Variants in MCM6 observed in about 807,000 individuals in gnomAD.
The protein encoded by MCM6 is DNA replication licensing factor MCM6.
A neutral mutation model predicts 94.3 loss-of-function variants in MCM6; 46 were observed. The observed-to-expected ratio is 0.49, with a 90% confidence interval of 0.39 to 0.62. The LOEUF (loss-of-function observed/expected upper bound fraction) is 0.62, where lower values mean the gene tolerates loss of function less well. Among genes scored for constraint, MCM6 ranks in the 20% least tolerant of loss-of-function variants. The pLI, the probability that MCM6 is intolerant of heterozygous loss-of-function variation, is 0.00. For synonymous variants in MCM6, 335 were observed against 351.9 expected (o/e 0.95, Z 0.54); for missense variants, 865 against 1,017.9 (o/e 0.85, Z 2.04).
At chr2:135,857,825 G>A (rs1679920347) in intron 10 of MCM6, 72 bp downstream of exon 10, 1 of 1,251,814 alleles carries the variant, frequency 8.0e-7, no homozygotes, top group Non-Finnish European at 1.2e-6. Flanking sequence ...TTATCCAGGT[G>A]AACTTCTCTA....
Position 135,846,540 on chromosome 2 carries a change from GC to G in MCM6, c.2054-149del, listed in dbSNP as rs78526058. 6,921 of 667,908 alleles carry G rather than the reference GC, an allele frequency of 0.01. 483 individuals are homozygous for G. The East Asian group carries it at 0.16, about 15-fold the overall frequency. 41.4% of individuals were successfully genotyped at this position (667,908 alleles called of 1,614,324 possible). A position where few individuals can be genotyped will look rare whatever the true frequency, so the allele number is the denominator to read the frequency against. ...TTATTTGTTTTAGAGACAGGGTCTT[GC>G]TATGCTGCCCAGGCTGGTCTCGAAC... On this transcript the variant is annotated intron_variant, in intron 14 of 16. Transcript: ENST00000264156.
chr2:135,853,996 G>A (rs1338327834), intron 11 of MCM6, among the ~76,000 whole-genome samples: 5 of 152,154 alleles, frequency 3.3e-5, no homozygotes, highest in African/African-American at 9.7e-5. Flanking sequence ...AGAGGCCAAG[G>A]CTGGTGGATA....
intron 1 of MCM6, among the ~76,000 whole-genome samples, chr2:135,875,362 C>T (rs1282433948): frequency 6.6e-6 from 1 of 150,656 alleles, no homozygotes; most frequent in East Asian, 1.9e-4. Context: ...TAAATTACGC[C>T]TCAAAAAAAA....
intron 7 of MCM6, among the ~76,000 whole-genome samples, chr2:135,864,399 G>C (rs1435206685): frequency 6.6e-6 from 1 of 152,124 alleles, no homozygotes; most frequent in Non-Finnish European, 1.5e-5. Context: ...GGGGAGGCTG[G>C]AGGTAGGGTT....
chr2:135,861,674 G>A (rs1380704690), intron 8 of MCM6, among the ~76,000 whole-genome samples: 1 of 152,166 alleles, frequency 6.6e-6, no homozygotes, highest in African/African-American at 2.4e-5. Context: ...GTGCAGTGGC[G>A]CAATCTCGGC....
intron 15 of MCM6, among the ~76,000 whole-genome samples, 178 bp downstream of exon 15, chr2:135,846,059 A>G (rs1679664581): frequency 6.6e-6 from 1 of 152,230 alleles, no homozygotes; most frequent in Non-Finnish European, 1.5e-5. Context: ...TTGTGAAGAA[A>G]TGTTCAGGCT....
intron 1 of MCM6, among the ~76,000 whole-genome samples, chr2:135,875,515 C>G (rs1460643225): frequency 6.6e-6 from 1 of 152,158 alleles, no homozygotes; most frequent in Non-Finnish European, 1.5e-5. Context: ...AAAGCCATTC[C>G]AAACTGCTGA....
At chr2:135,855,773 A>G (rs192606609) in intron 11 of MCM6, among the ~76,000 whole-genome samples, 2 of 152,366 alleles carry the variant, frequency 1.3e-5, no homozygotes, top group East Asian at 1.9e-4. Flanking sequence ...ACTGTACCCA[A>G]TAAAATGTAG....
At chr2:135,876,049 C>T (rs975660588) in intron 1 of MCM6, among the ~76,000 whole-genome samples, 15 of 152,206 alleles carry the variant, frequency 9.9e-5, no homozygotes, top group African/African-American at 3.4e-4. Flanking sequence ...TCTTAGGGCT[C>T]GAGATGGGTT....
chr2:135,866,165 A>C lies in MCM6; in HGVS notation c.894T>G (p.Phe298Leu). 6.2e-7 allele frequency: 1 copy of C among 1,614,186 alleles called. No homozygotes were observed. Among genetic ancestry groups the C allele is most frequent in the Non-Finnish European group, 8.5e-7 (1 of 1,180,018 alleles). The change falls in exon 6 of 17, where the codon TTT becomes TTG. Residue 298 changes from phenylalanine to leucine, a missense_variant. Physicochemically the swap from Phe to Leu is conservative, Grantham distance 22. Coordinates refer to ENST00000264156, the MANE Select transcript of MCM6 (RefSeq NM_005915.6). ...TGGTTGGCGCAACACAGCAGGCAAG[A>C]AAGACCAGCCTATAAGAAAGGTCCC... ...GVRDLSYRLV[F>L]LACCVAPTNP...
intron 12 of MCM6, 183 bp from the exon 13 acceptor site, chr2:135,851,746 G>T (rs558726978): frequency 5.8e-5 from 25 of 429,914 alleles, no homozygotes; most frequent in African/African-American, 4.7e-4. Context: ...TATTAAGGAG[G>T]CTTGTGAATT....
chr2:135,842,553 A>T (rs922993978), intron 16 of MCM6, among the ~76,000 whole-genome samples: 2 of 152,194 alleles, frequency 1.3e-5, no homozygotes, highest in African/African-American at 4.8e-5. Flanking sequence ...CATAAGAGAG[A>T]CAAACTAACC....
chr2:135,874,475 T>A (rs1680260870), intron 1 of MCM6, among the ~76,000 whole-genome samples: 1 of 152,212 alleles, frequency 6.6e-6, no homozygotes, highest in Non-Finnish European at 1.5e-5. Context: ...ATTATGGTTT[T>A]AAGTATACCA....
chr2:135,875,900 G>C (rs964193580), intron 1 of MCM6, among the ~76,000 whole-genome samples: 2 of 152,228 alleles, frequency 1.3e-5, no homozygotes, highest in African/African-American at 2.4e-5. Context: ...ACTCGACCTG[G>C]CCGCACCCAG....
intron 12 of MCM6, among the ~76,000 whole-genome samples, chr2:135,852,165 A>G (rs1392522065): frequency 6.6e-6 from 1 of 152,226 alleles, no homozygotes; most frequent in African/African-American, 2.4e-5. Context: ...GCCAACTGCA[A>G]TCTCATGAAT....
intron 8 of MCM6, among the ~76,000 whole-genome samples, chr2:135,860,685 C>T (rs1679973629): frequency 6.6e-6 from 1 of 152,110 alleles, no homozygotes; most frequent in Non-Finnish European, 1.5e-5. Flanking sequence ...CCAAACAAAC[C>T]AGGAATAGAG....
intron 13 of MCM6, among the ~76,000 whole-genome samples, chr2:135,850,735 T>C (rs1679766817): frequency 6.6e-6 from 1 of 152,160 alleles, no homozygotes; most frequent in African/African-American, 2.4e-5. Flanking sequence ...TGGAAATGTT[T>C]TGGATCTTGA....
rs543973321 is a variant in MCM6, at chr2:135,858,118, C to T, written c.1363-114G>A. On this transcript the variant is annotated intron_variant, in intron 9 of 16. Transcript: ENST00000264156. ...GGCAGGAAGAACGCTTCACTAAGGC[C>T]GGGCATTTGAGGTTACAGTGAGCCA... The T allele has an allele frequency of 4.1e-4, 375 of 905,296 alleles. 4 individuals are homozygous for T. Among genetic ancestry groups the T allele is most frequent in the South Asian group, 1.3e-3 (91 of 69,728 alleles). 56.1% of individuals were successfully genotyped at this position (905,296 alleles called of 1,614,324 possible).
At chr2:135,862,548 A>T (rs1680015401) in intron 8 of MCM6, 59 bp downstream of exon 8, 3 of 1,593,384 alleles carry the variant, frequency 1.9e-6, no homozygotes, top group African/African-American at 1.3e-5. Flanking sequence ...TTGGTAGCAC[A>T]GCCAGCCTGG....
Sources: gnomAD v4.1 joint callset for allele counts (sites outside exome capture counted in the v4.1 genomes callset) on GRCh38, gnomAD v4.1.1 for gene constraint, MANE v1.5 for transcripts, NCBI Gene and HGNC (gene_info 2026-07-23, HGNC 2026-07-21) for gene names.